Variants in PSG4 observed in about 807,000 individuals in gnomAD.
PSG4 encodes the protein pregnancy specific beta-1-glycoprotein 4, also known as pregnancy-specific beta-1-glycoprotein 4.
PSG4 carries 61 observed loss-of-function variants against 44.3 expected under a neutral mutation model. That is an observed-to-expected ratio of 1.38 (90% CI 1.12 to 1.70). The LOEUF is 1.70. PSG4 is among the 40% of genes most tolerant of loss of function. The pLI, the probability that PSG4 is intolerant of heterozygous loss-of-function variation, is 0.00. For missense variants in PSG4, 677 were observed against 511.7 expected, an observed-to-expected ratio of 1.32 and a Z score of -3.12; for synonymous variants, 248 against 191.3, an observed-to-expected ratio of 1.30 and a Z score of -2.45.
chr19:43,203,838 A>T (rs1342390651), intron 2 of PSG4, 48 bp downstream of exon 2: 1 of 1,566,216 alleles, frequency 6.4e-7, no homozygotes, highest in Admixed American at 1.8e-5. Flanking sequence ...TGTGAAGTAG[A>T]AGTGACCCCT....
intron 3 of PSG4, chr19:43,196,880 T>A (rs1461541144): frequency 6.8e-6 from 1 of 146,110 alleles, no homozygotes; most frequent in Non-Finnish European, 1.5e-5. Flanking sequence ...AAAATGTTAC[T>A]GGGATTCTGG....
chr19:43,199,648 T>C (rs1209548607), intron 2 of PSG4, among the ~76,000 whole-genome samples: 2 of 144,942 alleles, frequency 1.4e-5, no homozygotes, highest in South Asian at 2.2e-4. Flanking sequence ...ATGCTCAATT[T>C]GTAATACTGT....
In PSG4 at chr19:43,198,568, C is replaced by T. The variant is rs1967362053; in HGVS notation, c.431-293G>A. ...CACAGACCCGATGCCTCTCTGAGTT[C>T]CTCCGTCTCCAACTGCCTGCCTGAC... On this transcript the variant is annotated intron_variant, in intron 2 of 5. Coordinates refer to ENST00000405312, the MANE Select transcript of PSG4 (RefSeq NM_002780.5). 3 of 432,436 alleles carry T rather than the reference C, an allele frequency of 6.9e-6. No homozygotes were observed. The South Asian group carries it at 1.2e-4, about 17-fold the overall frequency. The allele number at this position is 432,436 out of a possible 1,614,324, so 26.8% of individuals were successfully genotyped here. A position where few individuals can be genotyped will look rare whatever the true frequency, so the allele number is the denominator to read the frequency against.
chr19:43,196,242 T>A (rs532909392), intron 3 of PSG4, among the ~76,000 whole-genome samples: 15 of 151,696 alleles, frequency 9.9e-5, no homozygotes, highest in African/African-American at 3.2e-4. Flanking sequence ...ATTCCCTGGG[T>A]TCGACTACTC....
In PSG4 at chr19:43,204,280, A is replaced by T. The variant is rs1458949394; in HGVS notation, c.65-29T>A. On this transcript the variant is annotated intron_variant, in intron 1 of 5. Transcript: ENST00000405312. ...GGAGGTACAGAGAGCATCAGTTAAT[A>T]TTGAGACCTATGTATTGGGGTGAAA... 3 of 1,538,996 alleles carry T rather than the reference A, an allele frequency of 1.9e-6. 1 individual carries two copies.
chr19:43,204,496 C>T (rs1967668510), intron 1 of PSG4: 2 of 558,498 alleles, frequency 3.6e-6, no homozygotes, highest in Middle Eastern at 5.1e-4. Flanking sequence ...TTTTTGGATT[C>T]CTCTTCCCCA....
chr19:43,201,722 G>A (rs1007481878), intron 2 of PSG4, among the ~76,000 whole-genome samples: 4 of 145,468 alleles, frequency 2.7e-5, no homozygotes, highest in Non-Finnish European at 6.0e-5. Context: ...CTCCACTGGG[G>A]AGGCTGATTT....
chr19:43,199,112 G>A (rs769952399), intron 2 of PSG4, among the ~76,000 whole-genome samples: 2 of 146,398 alleles, frequency 1.4e-5, no homozygotes, highest in South Asian at 2.1e-4. Flanking sequence ...TGGAAAGGGC[G>A]AACATGAACA....
chr19:43,201,746 C>T lies in PSG4; in HGVS notation c.430+2140G>A, dbSNP rs1372849120. 2.7e-5 allele frequency among the ~76,000 whole-genome samples: 4 copies of T among 145,520 alleles called. 1 individual carries two copies. Among genetic ancestry groups the T allele is most frequent in the Non-Finnish European group, 6.0e-5 (4 of 67,200 alleles). ...GGAGGCTGATTTGAGTACTAATCAACCTCCAGCCTCCTGTTTGGCAGACTT... is the reference window on the plus strand; with the variant it reads ...GGAGGCTGATTTGAGTACTAATCAATCTCCAGCCTCCTGTTTGGCAGACTT... On this transcript the variant is annotated intron_variant, in intron 2 of 5. Coordinates refer to ENST00000405312, the MANE Select transcript of PSG4 (RefSeq NM_002780.5).
At chr19:43,201,908 T>G (rs28742135) in intron 2 of PSG4, among the ~76,000 whole-genome samples, 37,433 of 143,172 alleles carry the variant, frequency 0.26, 7,706 homozygotes, top group African/African-American at 0.29. Flanking sequence ...CCTGTCCCAT[T>G]GTCTTGTCCA....
intron 2 of PSG4, among the ~76,000 whole-genome samples, chr19:43,199,959 C>T (rs1188065133): frequency 6.9e-6 from 1 of 144,688 alleles, no homozygotes; most frequent in South Asian, 2.2e-4. Flanking sequence ...CTGGTCAGTG[C>T]GTCAATTACA....
intron 4 of PSG4, 75 bp downstream of exon 4, chr19:43,194,920 G>T (rs1386857294): frequency 4.4e-6 from 7 of 1,583,610 alleles, no homozygotes; most frequent in Non-Finnish European, 5.1e-6. Flanking sequence ...ACTGGAGAGA[G>T]ACTGAGAGAC....
rs1233421939 is a variant in PSG4 at position 43,202,003 on chromosome 19, A to T, written c.430+1883T>A. ...TTAGTGACCTGGGGACATTGGCTCG[A>T]GATGAAGCCTGGCAGGAGTGGCAAC... On this transcript the variant is annotated intron_variant, in intron 2 of 5. Coordinates refer to ENST00000405312, the MANE Select transcript of PSG4 (RefSeq NM_002780.5). Among the ~76,000 whole-genome samples, 17 of 144,632 alleles carry T rather than the reference A, an allele frequency of 1.2e-4. 3 individuals carry two copies. The highest frequency in any genetic ancestry group is 2.4e-4 in the Non-Finnish European group (16 of 67,084). 94.9% of individuals were successfully genotyped at this position (144,632 alleles called of 152,430 possible).
chr19:43,199,893 G>C (rs1476114885), intron 2 of PSG4, among the ~76,000 whole-genome samples: 2 of 145,226 alleles, frequency 1.4e-5, no homozygotes, highest in East Asian at 4.7e-4. Context: ...AGATGCCAAA[G>C]GTGATTGGAA....
chr19:43,198,541 G>C, intron 2 of PSG4: 1 of 566,922 alleles, frequency 1.8e-6, no homozygotes, highest in Non-Finnish European at 2.7e-6. Context: ...AGGACCAGCA[G>C]TCACAGACCC....
chr19:43,193,505 C>T, intron 5 of PSG4, 117 bp from the exon 6 acceptor site: 1 of 723,302 alleles, frequency 1.4e-6, no homozygotes, highest in Non-Finnish European at 2.5e-6. Flanking sequence ...TCTAGTTTTA[C>T]CAATGATAAT....
chr19:43,200,869 C>T (rs556169307), intron 2 of PSG4, among the ~76,000 whole-genome samples: 2 of 146,546 alleles, frequency 1.4e-5, no homozygotes, highest in East Asian at 4.7e-4. Context: ...TGAGCACAGC[C>T]TTCTCTGAGG....
At position 43,205,514 on chromosome 19, in the gene PSG4, G is replaced by A. The variant is rs756476202; in HGVS notation, c.23C>T (p.Pro8Leu). The change falls in exon 1 of 6, where the codon CCC (proline) becomes CTC (leucine). Residue 8 changes from proline (P) to leucine (L), a missense_variant. Transcript: ENST00000405312. ...CTTCCAGGTGATGCGCTGTGTGCAG[G>A]GAGGGGCTGAGAGGGGCCCCATGGT... is the stretch of plus-strand genomic sequence containing the variant. MGPLSAPPCTQRITWKGV... is the reference protein window; with the variant it reads MGPLSAPLCTQRITWKGV... The A allele has an allele frequency of 1.9e-6, 3 of 1,555,892 alleles. No homozygotes were observed. Among genetic ancestry groups the A allele is most frequent in the Non-Finnish European group, 2.6e-6 (3 of 1,150,340 alleles).
At position 43,203,925 on chromosome 19, in the gene PSG4, T is replaced by A. The variant is rs752247028; in HGVS notation, c.391A>T (p.Thr131Ser). 70 of 1,584,986 alleles carry A rather than the reference T, an allele frequency of 4.4e-5. 3 individuals are homozygous for A. The highest frequency in any genetic ancestry group is 5.9e-5 in the Non-Finnish European group (69 of 1,170,676). Residue 131 changes from threonine (T) to serine (S), a missense_variant, in exon 2 of 6, where the codon ACT becomes TCT. Transcript: ENST00000405312. Reference protein sequence around the residue: ...TLHIIKRRDGTGGVTGHFTFT... With the variant: ...TLHIIKRRDGSGGVTGHFTFT... ...GTGAAATGTCCAGTTACTCCTCCAG[T>A]CCCATCGCGTCGCTTTATGATGTGT...
Sources: allele counts gnomAD v4.1 joint callset (sites outside exome capture counted in the v4.1 genomes callset), GRCh38; gene constraint gnomAD v4.1.1; transcripts MANE v1.5; gene names NCBI Gene and HGNC (gene_info 2026-07-23, HGNC 2026-07-21).